Variants in CA10 observed in about 807,000 individuals in gnomAD.
CA10 encodes the protein carbonic anhydrase 10 (inactive).
Under a neutral mutation model 44.2 loss-of-function variants are expected in CA10, and 14 were observed. The observed-to-expected ratio is 0.32, with a 90% CI of 0.21 to 0.50. The LOEUF (loss-of-function observed/expected upper bound fraction) is 0.50, where lower values mean the gene tolerates loss of function less well. Among genes scored for constraint, CA10 ranks in the 20% least tolerant of loss-of-function variants. CA10 has a pLI of 0.99. For missense variants in CA10, 350 were observed against 409.7 expected (o/e 0.85, Z 1.26); for synonymous variants, 159 against 141.6 (o/e 1.12, Z -0.87).
intron 2 of CA10, among the ~76,000 whole-genome samples, chr17:51,951,727 T>C (rs1046048441): frequency 2.0e-5 from 3 of 152,168 alleles, no homozygotes; most frequent in African/African-American, 4.8e-5. Context: ...CCTTTCTTTG[T>C]ACTAATCAAT....
At chr17:52,082,548 A>T (rs1370411694) in intron 1 of CA10, among the ~76,000 whole-genome samples, 1 of 152,168 alleles carries the variant, frequency 6.6e-6, no homozygotes, top group East Asian at 1.9e-4. Context: ...CTCAGGTACA[A>T]AGCTTCCCTC....
intron 2 of CA10, among the ~76,000 whole-genome samples, chr17:52,060,270 A>G (rs748106225): frequency 4.6e-5 from 7 of 152,150 alleles, no homozygotes; most frequent in Non-Finnish European, 1.0e-4. Context: ...ACTGTCAGTC[A>G]TGAAAAATCA....
At chr17:51,954,449 T>C (rs1983593565) in intron 2 of CA10, among the ~76,000 whole-genome samples, 1 of 152,148 alleles carries the variant, frequency 6.6e-6, no homozygotes, top group Admixed American at 6.6e-5. Context: ...AGACAGTTCA[T>C]CTTTAGACTC....
At chr17:51,702,603 C>G (rs1459935268) in intron 4 of CA10, among the ~76,000 whole-genome samples, 3 of 152,260 alleles carry the variant, frequency 2.0e-5, no homozygotes, top group Non-Finnish European at 2.9e-5. Flanking sequence ...CCGCCTTTCT[C>G]TGCCTGGGGA....
chr17:51,856,486 G>A (rs1374799146), intron 3 of CA10, among the ~76,000 whole-genome samples: 6 of 152,050 alleles, frequency 3.9e-5, no homozygotes, highest in Non-Finnish European at 7.3e-5. Context: ...GGCCGCCAAG[G>A]AGCATAAAAA....
At chr17:52,026,755 C>T (rs543832213) in intron 2 of CA10, among the ~76,000 whole-genome samples, 6 of 152,162 alleles carry the variant, frequency 3.9e-5, no homozygotes, top group Middle Eastern at 3.4e-3. Flanking sequence ...ATGGGGGTAA[C>T]GACCCCTATG....
At chr17:51,716,454 A>G (rs1241337754) in intron 4 of CA10, among the ~76,000 whole-genome samples, 2 of 152,124 alleles carry the variant, frequency 1.3e-5, no homozygotes, top group African/African-American at 4.8e-5. Context: ...GCCTCGAAAA[A>G]TGATATTTAT....
At chr17:51,711,679 A>C (rs1231867502) in intron 4 of CA10, among the ~76,000 whole-genome samples, 1 of 152,210 alleles carries the variant, frequency 6.6e-6, no homozygotes, top group Non-Finnish European at 1.5e-5. Flanking sequence ...TATCTAAGCA[A>C]AGCTTTTGAT....
chr17:51,691,621 T>TA (rs377135337), intron 4 of CA10, among the ~76,000 whole-genome samples: 6 of 151,942 alleles, frequency 3.9e-5, no homozygotes, highest in South Asian at 4.1e-4. Context: ...TGTTCATATA[T>TA]AAAAAAAATC....
Position 51,635,707 on chromosome 17 carries a change from G to A in CA10, c.789+148C>T, listed in dbSNP as rs140541210. 4.9e-4 allele frequency: 252 copies of A among 510,382 alleles called. 1 individual carries two copies. The highest frequency in any genetic ancestry group is 3.9e-3 in the African/African-American group (204 of 51,872). 31.6% of individuals were successfully genotyped at this position (510,382 alleles called of 1,614,324 possible). A position where few individuals can be genotyped will look rare whatever the true frequency, so the allele number is the denominator to read the frequency against. On this transcript the variant is annotated intron_variant, in intron 7 of 8. Transcript: ENST00000451037. ...CTTCTAGTCTCCAGAACTGTGAGGCGATAAGTTTGTGTTAGTTTAAACTAC... is the reference window on the plus strand; with the variant it reads ...CTTCTAGTCTCCAGAACTGTGAGGCAATAAGTTTGTGTTAGTTTAAACTAC...
At chr17:52,040,980 G>A (rs1363936337) in intron 2 of CA10, among the ~76,000 whole-genome samples, 1 of 151,938 alleles carries the variant, frequency 6.6e-6, no homozygotes, top group African/African-American at 2.4e-5. Flanking sequence ...ACAGGTAAAG[G>A]GGCAATACAC....
At chr17:51,989,431 C>A (rs1413008567) in intron 2 of CA10, among the ~76,000 whole-genome samples, 1 of 151,864 alleles carries the variant, frequency 6.6e-6, no homozygotes, top group African/African-American at 2.4e-5. Flanking sequence ...GTTTTCTGTT[C>A]TTGTGTTAGT....
At chr17:51,873,431 A>G (rs1052705795) in intron 3 of CA10, among the ~76,000 whole-genome samples, 6 of 152,202 alleles carry the variant, frequency 3.9e-5, no homozygotes, top group African/African-American at 9.6e-5. Flanking sequence ...GCACTCAGCA[A>G]TCGTTCTATC....
chr17:51,646,575 A>G (rs1054093107), intron 6 of CA10, among the ~76,000 whole-genome samples: 4 of 152,210 alleles, frequency 2.6e-5, no homozygotes, highest in African/African-American at 4.8e-5. Context: ...AGTTTTCTTC[A>G]TCTTAACCTG....
intron 1 of CA10, among the ~76,000 whole-genome samples, chr17:52,104,635 C>G (rs190435819): frequency 1.9e-3 from 285 of 152,276 alleles, no homozygotes; most frequent in African/African-American, 6.6e-3. Flanking sequence ...ACCTTACCTC[C>G]TTCTCCTCCT....
rs755292604 is a variant in CA10, at chr17:51,818,407, G to A, written c.280-70589C>T. On this transcript the variant is annotated intron_variant, in intron 3 of 8. Coordinates refer to ENST00000451037, the MANE Select transcript of CA10 (RefSeq NM_020178.5). ...TTTGCTTGTATTACCGCAGCACATCGTAGAATGATGTCCTAAATGCCCTTC... is the reference window on the plus strand; with the variant it reads ...TTTGCTTGTATTACCGCAGCACATCATAGAATGATGTCCTAAATGCCCTTC... 9.9e-5 allele frequency among the ~76,000 whole-genome samples: 15 copies of A among 152,212 alleles called. 1 individual carries two copies. The South Asian group carries it at 1.0e-3, about 11-fold the overall frequency.
At chr17:52,028,823 A>C (rs1986378146) in intron 2 of CA10, among the ~76,000 whole-genome samples, 1 of 152,210 alleles carries the variant, frequency 6.6e-6, no homozygotes, top group South Asian at 2.1e-4. Context: ...GTGCCCACAA[A>C]GCTTCTGCTG....
At chr17:51,929,710 C>G (rs1294817658) in intron 3 of CA10, among the ~76,000 whole-genome samples, 1 of 151,920 alleles carries the variant, frequency 6.6e-6, no homozygotes, top group African/African-American at 2.4e-5. Flanking sequence ...AATAATTCAC[C>G]TTTTTAAAGA....
At chr17:52,080,874 T>C (rs1260264544) in intron 1 of CA10, among the ~76,000 whole-genome samples, 1 of 152,238 alleles carries the variant, frequency 6.6e-6, no homozygotes, top group Non-Finnish European at 1.5e-5. Flanking sequence ...TTCAGAACTT[T>C]AGTGTCTATT....
Sources: gnomAD v4.1 joint callset for allele counts (sites outside exome capture counted in the v4.1 genomes callset) on GRCh38, gnomAD v4.1.1 for gene constraint, MANE v1.5 for transcripts, NCBI Gene and HGNC (gene_info 2026-07-23, HGNC 2026-07-21) for gene names.